The following KDM4C variants were observed in gnomAD, a reference collection of about 807,000 sequenced individuals.
KDM4C encodes lysine demethylase 4C.
A neutral mutation model predicts 129.3 loss-of-function variants in KDM4C; 81 were observed. The ratio of observed to expected loss-of-function variants is 0.63; its 90% CI spans 0.52 to 0.75. The LOEUF (loss-of-function observed/expected upper bound fraction) is 0.75, where lower values mean the gene tolerates loss of function less well. Ranked by LOEUF, KDM4C falls within the 30% of genes least tolerant of loss-of-function variation. KDM4C has a pLI of 0.00. For missense variants in KDM4C, 1,457 were observed against 1,304.0 expected (o/e 1.12, Z -1.81); for synonymous variants, 573 against 456.1 (o/e 1.26, Z -3.26).
intron 1 of KDM4C, among the ~76,000 whole-genome samples, chr9:6,741,592 C>G (rs1345595452): frequency 1.3e-5 from 2 of 150,482 alleles, no homozygotes; most frequent in Non-Finnish European, 2.9e-5. Flanking sequence ...GCAACACATT[C>G]TCTTAGTTTC....
intron 4 of KDM4C, among the ~76,000 whole-genome samples, chr9:6,842,282 C>T (rs911548315): frequency 6.6e-6 from 1 of 151,164 alleles, no homozygotes; most frequent in East Asian, 1.9e-4. Context: ...GCAGATTTGG[C>T]CACAGATTTA....
At chr9:7,161,003 G>C (rs1025532583) in intron 19 of KDM4C, among the ~76,000 whole-genome samples, 1 of 152,176 alleles carries the variant, frequency 6.6e-6, no homozygotes, top group African/African-American at 2.4e-5. Context: ...AAGCTTCCCA[G>C]CCGCTTTGTT....
intron 19 of KDM4C, among the ~76,000 whole-genome samples, chr9:7,131,371 C>T (rs1840620598): frequency 6.6e-6 from 1 of 152,054 alleles, no homozygotes; most frequent in South Asian, 2.1e-4. Flanking sequence ...AAGTTTTTTT[C>T]CCCTTATAAT....
chr9:7,169,914 G>T, intron 21 of KDM4C, 24 bp downstream of exon 21: 1 of 1,613,540 alleles, frequency 6.2e-7, no homozygotes, highest in Non-Finnish European at 8.5e-7. Context: ...GATGCCACTT[G>T]GGGACCTGCC....
At chr9:7,066,548 T>G (rs746296464) in intron 17 of KDM4C, among the ~76,000 whole-genome samples, 1 of 152,236 alleles carries the variant, frequency 6.6e-6, no homozygotes, top group Non-Finnish European at 1.5e-5. Flanking sequence ...TATGATGGAA[T>G]TATTTTAAGA....
At chr9:6,967,967 GATTA>G (rs1031987925) in intron 8 of KDM4C, among the ~76,000 whole-genome samples, 1 of 151,908 alleles carries the variant, frequency 6.6e-6, no homozygotes, top group African/African-American at 2.4e-5. Flanking sequence ...GGGATACGAA[GATTA>G]ATTGAGACAA....
At chr9:7,114,438 A>G (rs1191046254) in intron 18 of KDM4C, among the ~76,000 whole-genome samples, 6 of 152,198 alleles carry the variant, frequency 3.9e-5, no homozygotes, top group African/African-American at 7.2e-5. Context: ...ATTAGCACCT[A>G]TTTAGTTATG....
chr9:7,018,301 T>C (rs910777621), intron 15 of KDM4C, among the ~76,000 whole-genome samples: 8 of 152,218 alleles, frequency 5.3e-5, no homozygotes, highest in Admixed American at 3.9e-4. Flanking sequence ...TACAATCTTA[T>C]GGGACTACTG....
chr9:6,868,592 A>T (rs1366964260), intron 5 of KDM4C, among the ~76,000 whole-genome samples: 1 of 152,190 alleles, frequency 6.6e-6, no homozygotes, highest in Admixed American at 6.5e-5. Flanking sequence ...GTAAGCCCTA[A>T]TACAATGTTA....
chr9:6,922,252 A>G (rs1431915478), intron 8 of KDM4C, among the ~76,000 whole-genome samples: 1 of 152,190 alleles, frequency 6.6e-6, no homozygotes, highest in Non-Finnish European at 1.5e-5. Context: ...TGTTTTATGC[A>G]ATGTTATAAC....
chr9:7,081,702 C>T (rs913650606), intron 17 of KDM4C, among the ~76,000 whole-genome samples: 1 of 152,156 alleles, frequency 6.6e-6, no homozygotes. Flanking sequence ...TCTGGAAGTA[C>T]GATAATTACG....
intron 1 of KDM4C, among the ~76,000 whole-genome samples, chr9:6,777,216 G>A (rs1054494374): frequency 2.6e-5 from 4 of 152,252 alleles, no homozygotes; most frequent in Admixed American, 6.5e-5. Flanking sequence ...TATACTTTTG[G>A]TGTTTTCATC....
At chr9:6,856,552 G>A (rs1228641698) in intron 5 of KDM4C, among the ~76,000 whole-genome samples, 2 of 137,136 alleles carry the variant, frequency 1.5e-5, no homozygotes, top group Non-Finnish European at 3.2e-5. Flanking sequence ...GTGTGTGTGT[G>A]TGTGTGTGTG....
intron 17 of KDM4C, among the ~76,000 whole-genome samples, chr9:7,075,359 G>A (rs904015632): frequency 6.6e-5 from 10 of 152,078 alleles, no homozygotes; most frequent in Non-Finnish European, 1.3e-4. Flanking sequence ...GTTGAAACTC[G>A]ATCCCAGTGT....
At chr9:6,762,875 G>T (rs1819835467) in intron 1 of KDM4C, among the ~76,000 whole-genome samples, 1 of 151,630 alleles carries the variant, frequency 6.6e-6, no homozygotes, top group Admixed American at 6.6e-5. Flanking sequence ...GCCAGGCTGG[G>T]CTCGAATTCT....
intron 19 of KDM4C, among the ~76,000 whole-genome samples, chr9:7,146,737 T>C (rs948967909): frequency 7.2e-5 from 11 of 152,232 alleles, no homozygotes; most frequent in Non-Finnish European, 1.5e-4. Flanking sequence ...TTATTAGCCC[T>C]GTGGCCTCAG....
At position 6,879,989 on chromosome 9, in the gene KDM4C, TTTACTTATGTTTAAAATTTTAGGTATGC is replaced by T. The variant is rs1395364130; in HGVS notation, c.630-21_636del. The stretch of plus-strand genomic sequence containing the variant: ...GCTGAAAAATTATAAACCTAAAATT[TTTACTTATGTTTAAAATTTTAGGTATGC>T]TATACCTCCGGAGCATGGAAAACGA... On this transcript the variant is annotated splice_acceptor_variant and splice_polypyrimidine_tract_variant and coding_sequence_variant and intron_variant, in exon 6 of 22. Coordinates refer to ENST00000381309, the MANE Select transcript of KDM4C (RefSeq NM_015061.6). LOFTEE classifies it high-confidence loss of function. 1 of 1,424,440 alleles carries T rather than the reference TTTACTTATGTTTAAAATTTTAGGTATGC, an allele frequency of 7.0e-7. No homozygotes were observed. Among genetic ancestry groups the T allele is most frequent in the East Asian group, 2.3e-5 (1 of 43,258 alleles). 88.2% of individuals were successfully genotyped at this position (1,424,440 alleles called of 1,614,324 possible). A position where few individuals can be genotyped will look rare whatever the true frequency, so the allele number is the denominator to read the frequency against.
chr9:6,832,340 A>G (rs1588570762), intron 4 of KDM4C, among the ~76,000 whole-genome samples: 1 of 144,132 alleles, frequency 6.9e-6, no homozygotes, highest in Non-Finnish European at 1.5e-5. Flanking sequence ...ACTCCGTCTC[A>G]AAAAAAAAAA....
chr9:6,925,454 CCCCTCTCCT>C, intron 8 of KDM4C: 1 of 765,766 alleles, frequency 1.3e-6, no homozygotes, highest in East Asian at 1.4e-4. Flanking sequence ...TTCCCCCTTC[CCCCTCTCCT>C]CCCCTCTTTT....
Sources: gnomAD v4.1 joint callset for allele counts (sites outside exome capture counted in the v4.1 genomes callset) on GRCh38, gnomAD v4.1.1 for gene constraint, MANE v1.5 for transcripts, NCBI Gene and HGNC (gene_info 2026-07-23, HGNC 2026-07-21) for gene names.